Variants in AHCTF1 observed in about 807,000 individuals in gnomAD.
AHCTF1 encodes the protein protein ELYS.
A neutral mutation model predicts 248.4 loss-of-function variants in AHCTF1; 24 were observed. The observed-to-expected ratio is 0.10, with a 90% CI of 0.07 to 0.14. AHCTF1 has a LOEUF of 0.14. Among genes scored for constraint, AHCTF1 ranks in the 10% least tolerant of loss-of-function variants. AHCTF1 has a pLI of 1.00. For synonymous variants in AHCTF1, 786 were observed against 929.8 expected (o/e 0.85, Z 2.81); for missense variants, 2,206 against 2,636.2 (o/e 0.84, Z 3.57).
intron 33 of AHCTF1, among the ~76,000 whole-genome samples, chr1:246,845,210 T>C (rs900618026): frequency 2.0e-5 from 3 of 152,166 alleles, no homozygotes; most frequent in Non-Finnish European, 4.4e-5. Context: ...AAAATGTTTT[T>C]TGTGGGTACA....
chr1:246,908,287 A>T (rs1315162014), intron 4 of AHCTF1, among the ~76,000 whole-genome samples: 2 of 145,970 alleles, frequency 1.4e-5, no homozygotes, highest in Non-Finnish European at 3.0e-5. Context: ...AATGAAACAC[A>T]TTAAATATGC....
rs1170898998 is a variant in AHCTF1 at position 246,880,303 on chromosome 1, G to A, written c.2661-3001C>T. Among the ~76,000 whole-genome samples the A allele has an allele frequency of 3.3e-5, 5 of 151,534 alleles. No individual in the cohort carries two copies. The East Asian group carries it at 5.8e-4, about 18-fold the overall frequency. On this transcript the variant is annotated intron_variant, in intron 21 of 35. Coordinates refer to ENST00000648844, the MANE Select transcript of AHCTF1 (RefSeq NM_001323342.2). Reference sequence around the variant, plus strand: ...CTTTAGGCAGGGTGTGGTGGCTCACGCCTGTAATCCCAGCACTTTGGGAGC... The same window carrying A: ...CTTTAGGCAGGGTGTGGTGGCTCACACCTGTAATCCCAGCACTTTGGGAGC...
At chr1:246,901,974 G>A (rs968863965) in intron 8 of AHCTF1, among the ~76,000 whole-genome samples, 1 of 152,166 alleles carries the variant, frequency 6.6e-6, no homozygotes, top group African/African-American at 2.4e-5. Flanking sequence ...GGGTAAGTTC[G>A]CTGTGTGATT....
intron 12 of AHCTF1, among the ~76,000 whole-genome samples, chr1:246,897,640 A>C (rs1017024534): frequency 6.6e-6 from 1 of 152,206 alleles, no homozygotes; most frequent in Non-Finnish European, 1.5e-5. Context: ...ACTGTAACAC[A>C]ATATGAAGTA....
Position 246,867,896 on chromosome 1 carries a change from C to T in AHCTF1, c.3089-85G>A, listed in dbSNP as rs945111117. 157 of 563,348 alleles carry T rather than the reference C, an allele frequency of 2.8e-4. 2 individuals are homozygous for T. The East Asian group carries it at 6.9e-3, about 25-fold the overall frequency. 34.9% of individuals were successfully genotyped at this position (563,348 alleles called of 1,614,324 possible). Reference sequence around the variant, plus strand: ...GCATATGAAAGAATGATTACACCCCCCCCCCCACACACACACACACACACA... The same window carrying T: ...GCATATGAAAGAATGATTACACCCCTCCCCCCACACACACACACACACACA... On this transcript the variant is annotated intron_variant, in intron 24 of 35. Coordinates refer to ENST00000648844, the MANE Select transcript of AHCTF1 (RefSeq NM_001323342.2).
chr1:246,888,563 T>G (rs775061402), intron 17 of AHCTF1, 46 bp from the exon 18 acceptor site: 16 of 1,598,172 alleles, frequency 1.0e-5, no homozygotes, highest in African/African-American at 1.3e-5. Flanking sequence ...CACTGTTAAT[T>G]AATATCAAAG....
chr1:246,867,311 G>A lies in AHCTF1; in HGVS notation c.3280C>T (p.Pro1094Ser), dbSNP rs189505574. 33 of 1,603,438 alleles carry A rather than the reference G, an allele frequency of 2.1e-5. No individual in the cohort carries two copies. In the Admixed American group the frequency reaches 5.3e-4, roughly 26 times the overall value. Reference sequence around the variant, plus strand: ...AATGCCTCAGGCAGCTCTGGAGCTGGGAGCGAATACACTATAGGAGATGGT... The same window carrying A: ...AATGCCTCAGGCAGCTCTGGAGCTGAGAGCGAATACACTATAGGAGATGGT... ...EEPSPIVYSL[P>S]APELPEAFFG... is the part of the protein sequence containing the mutation. Residue 1094 changes from proline (P) to serine (S), a missense_variant, in exon 26 of 36, where the codon CCA becomes TCA. By Grantham distance (74) the Pro-to-Ser change is moderately conservative. Transcript: ENST00000648844.
chr1:246,863,803 T>C, intron 27 of AHCTF1, 121 bp downstream of exon 27: 1 of 980,482 alleles, frequency 1.0e-6, no homozygotes, highest in Non-Finnish European at 1.6e-6. Flanking sequence ...AAAAGGATGC[T>C]TAAAGCATTT....
intron 27 of AHCTF1, among the ~76,000 whole-genome samples, chr1:246,862,978 T>C (rs1212212255): frequency 6.6e-6 from 1 of 152,226 alleles, no homozygotes; most frequent in Non-Finnish European, 1.5e-5. Flanking sequence ...CATTAGATCA[T>C]AATAAATTCT....
chr1:246,910,058 T>C (rs1665693181), intron 4 of AHCTF1, among the ~76,000 whole-genome samples: 1 of 152,240 alleles, frequency 6.6e-6, no homozygotes, highest in African/African-American at 2.4e-5. Flanking sequence ...ATGTGTCTCC[T>C]GATGTGATAC....
intron 26 of AHCTF1, among the ~76,000 whole-genome samples, chr1:246,866,692 C>T (rs950121707): frequency 1.3e-5 from 2 of 151,870 alleles, no homozygotes; most frequent in African/African-American, 4.8e-5. Context: ...GACAAAGAAT[C>T]AATACATGAA....
In AHCTF1 at chr1:246,849,832, T is replaced by G; in HGVS notation, c.6174A>C (p.Lys2058Asn). ...LTKKTESQSQ[K>N]RSLHSVSEER... Reference sequence around the variant, plus strand: ...CTTCTGATACTGAGTGCAATGAACGTTTTTGGCTTTGACTTTCAGTCTTTT... The same window carrying G: ...CTTCTGATACTGAGTGCAATGAACGGTTTTGGCTTTGACTTTCAGTCTTTT... Residue 2058 changes from lysine (K) to asparagine (N), a missense_variant, in exon 33 of 36, where the codon AAA (lysine) becomes AAC (asparagine). This residue lies in a region of AHCTF1 where 469 missense variants were observed against 470.0 expected (regional missense o/e 1.00). Coordinates refer to ENST00000648844, the MANE Select transcript of AHCTF1 (RefSeq NM_001323342.2). 1 of 1,613,950 alleles carries G rather than the reference T, an allele frequency of 6.2e-7. No homozygotes were observed. Among genetic ancestry groups the G allele is most frequent in the Non-Finnish European group, 8.5e-7 (1 of 1,179,846 alleles).
At chr1:246,899,943 C>T (rs1322011065) in intron 10 of AHCTF1, 122 bp downstream of exon 10, 6 of 922,904 alleles carry the variant, frequency 6.5e-6, no homozygotes, top group South Asian at 1.8e-5. Context: ...CTAAGTTATC[C>T]ATATGTTAAC....
intron 2 of AHCTF1, 61 bp from the exon 3 acceptor site, chr1:246,916,456 T>A: frequency 2.1e-6 from 3 of 1,426,616 alleles, no homozygotes; most frequent in Non-Finnish European, 2.9e-6. Context: ...GCAATAACGG[T>A]TAGCTCATTT....
rs150987151 is a variant in AHCTF1 at position 246,855,799 on chromosome 1, G to A, written c.4285C>T (p.Pro1429Ser). ...GKIFTQKSKV[P>S]VLDEGLTSVE... The stretch of plus-strand genomic sequence containing the variant: ...GATGTTAATCCTTCGTCCAACACTG[G>A]TACCTTGGACTTCTGGGTGAAGATT... Residue 1429 changes from proline (P) to serine (S), a missense_variant, in exon 31 of 36, where the codon CCA (proline) becomes TCA (serine). Coordinates refer to ENST00000648844, the MANE Select transcript of AHCTF1 (RefSeq NM_001323342.2). The A allele has an allele frequency of 5.0e-6, 8 of 1,612,944 alleles. No homozygotes were observed. The highest frequency in any genetic ancestry group is 2.7e-5 in the African/African-American group (2 of 74,834).
chr1:246,905,722 G>A, intron 5 of AHCTF1, 65 bp from the exon 6 acceptor site: 1 of 1,318,716 alleles, frequency 7.6e-7, no homozygotes, highest in Non-Finnish European at 1.1e-6. Flanking sequence ...GGTACATCAT[G>A]TAAGAACTTG....
chr1:246,920,210 A>C (rs115896994), intron 1 of AHCTF1, among the ~76,000 whole-genome samples: 3,729 of 151,086 alleles, frequency 0.025, 177 homozygotes, highest in African/African-American at 0.085. Flanking sequence ...ACACAAGGAT[A>C]TCCAATAGCC....
chr1:246,902,829 T>C (rs1665101825), intron 7 of AHCTF1, among the ~76,000 whole-genome samples, 154 bp from the exon 8 acceptor site: 17 of 152,212 alleles, frequency 1.1e-4, no homozygotes, highest in Admixed American at 1.0e-3. Flanking sequence ...TCTAAAATTT[T>C]ACATACTTTA....
intron 21 of AHCTF1, among the ~76,000 whole-genome samples, chr1:246,878,060 T>C (rs1342741794): frequency 3.3e-5 from 5 of 151,760 alleles, no homozygotes; most frequent in Admixed American, 3.3e-4. Context: ...AAGAATACAG[T>C]CTACAGAAAC....
Sources: allele counts gnomAD v4.1 joint callset (sites outside exome capture counted in the v4.1 genomes callset), GRCh38; gene constraint gnomAD v4.1.1; regional missense constraint gnomAD v4.1.1; transcripts MANE v1.5; gene names NCBI Gene and HGNC (gene_info 2026-07-23, HGNC 2026-07-21).